Variants in KIF26A observed in about 807,000 individuals in gnomAD.
KIF26A encodes kinesin family member 26A.
KIF26A carries 74 observed loss-of-function variants against 126.0 expected under a neutral mutation model. The ratio of observed to expected loss-of-function variants is 0.59; its 90% CI spans 0.49 to 0.71. KIF26A has a LOEUF of 0.71. Ranked by LOEUF, KIF26A falls within the 30% of genes least tolerant of loss-of-function variation. KIF26A has a pLI of 0.00. For missense variants in KIF26A, 2,984 were observed against 2,763.3 expected, an observed-to-expected ratio of 1.08 and a Z score of -1.79; for synonymous variants, 1,445 against 1,232.7, an observed-to-expected ratio of 1.17 and a Z score of -3.61.
chr14:104,171,194 C>T (rs1641615179), intron 5 of KIF26A, among the ~76,000 whole-genome samples: 1 of 152,260 alleles, frequency 6.6e-6, no homozygotes, highest in Non-Finnish European at 1.5e-5. Context: ...TGCCAGGGTT[C>T]GGTTCCCTCA....
At position 104,176,561 on chromosome 14, in the gene KIF26A, G is replaced by T. The variant is rs200373476; in HGVS notation, c.3773G>T (p.Gly1258Val). ...TGTGATACCCAGGCAGCTTCTGCTGGCAGGGCCCCCAGCCCCACACTTGGC... is the reference window on the plus strand; with the variant it reads ...TGTGATACCCAGGCAGCTTCTGCTGTCAGGGCCCCCAGCCCCACACTTGGC... Reference protein sequence around the residue: ...GECDTQAASAGRAPSPTLGSP... With the variant: ...GECDTQAASAVRAPSPTLGSP... Residue 1258 changes from glycine to valine, a missense_variant, in exon 12 of 15, where the codon GGC becomes GTC. Physicochemically the swap from Gly to Val is moderately radical, Grantham distance 109. Transcript: ENST00000423312. The T allele has an allele frequency of 4.4e-6, 7 of 1,606,672 alleles. No individual in the cohort carries two copies. The Admixed American group carries it at 1.2e-4, about 27-fold the overall frequency.
intron 2 of KIF26A, among the ~76,000 whole-genome samples, chr14:104,140,732 A>G (rs906464400): frequency 6.6e-6 from 1 of 152,084 alleles, no homozygotes. Flanking sequence ...ACAGGTCTTC[A>G]GGGGAGCCCC....
chr14:104,142,812 C>T (rs2037648904), intron 2 of KIF26A, among the ~76,000 whole-genome samples: 1 of 152,236 alleles, frequency 6.6e-6, no homozygotes, highest in Admixed American at 6.5e-5. Flanking sequence ...GGGTCCGGGT[C>T]ACCTGGAGGT....
At position 104,176,630 on chromosome 14, in the gene KIF26A, A is replaced by G. The variant is rs1412493492; in HGVS notation, c.3842A>G (p.Gln1281Arg). Residue 1281 changes from glutamine to arginine, a missense_variant, in exon 12 of 15, where the codon CAG (glutamine) becomes CGG (arginine). Gln to Arg is a conservative substitution (Grantham distance 43, BLOSUM62 1). Coordinates refer to ENST00000423312, the MANE Select transcript of KIF26A (RefSeq NM_015656.2). ...PEAQVMLACA[Q>R]RVVDGCEVAA... ...GCCCAGGTGATGCTAGCCTGTGCCC[A>G]GAGAGTGGTGGACGGGTGTGAGGTG... 8.1e-6 allele frequency: 13 copies of G among 1,607,944 alleles called. No individual in the cohort carries two copies. The highest frequency in any genetic ancestry group is 1.1e-5 in the Non-Finnish European group (13 of 1,178,360).
rs2037741010 is a variant in KIF26A at position 104,152,592 on chromosome 14, G to A, written c.735+131G>A. The A allele has an allele frequency of 1.2e-6, 1 of 828,656 alleles. No individual in the cohort carries two copies. The highest frequency in any genetic ancestry group is 2.7e-5 in the East Asian group (1 of 36,452). The allele number at this position is 828,656 out of a possible 1,614,324, so 51.3% of individuals were successfully genotyped here. ...GAAGGGAGGGGACGGCGGGCATGGG[G>A]GTTCCTGACACTCCTGAGGCCCCAC... On this transcript the variant is annotated intron_variant, in intron 3 of 14. Coordinates refer to ENST00000423312, the MANE Select transcript of KIF26A (RefSeq NM_015656.2). The surrounding 1 kb of genome is among the most constrained non-coding windows in gnomAD (Gnocchi z 5.9).
At chr14:104,143,545 G>A (rs1306241649) in intron 2 of KIF26A, among the ~76,000 whole-genome samples, 2 of 152,220 alleles carry the variant, frequency 1.3e-5, no homozygotes, top group Non-Finnish European at 2.9e-5. Context: ...CCCCCTGGAT[G>A]GATGGGGGCA....
intron 11 of KIF26A, 66 bp from the exon 12 acceptor site, chr14:104,174,916 G>A: frequency 6.9e-7 from 1 of 1,440,134 alleles, no homozygotes; most frequent in Non-Finnish European, 9.2e-7. Context: ...GTGCTCTGGG[G>A]AGGGTCGGGG....
Position 104,151,892 on chromosome 14 carries a change from C to G in KIF26A, c.289-123C>G, listed in dbSNP as rs80097840. The G allele has an allele frequency of 1.3e-6, 1 of 763,076 alleles. No individual in the cohort carries two copies. Among genetic ancestry groups the G allele is most frequent in the South Asian group, 1.5e-5 (1 of 66,094 alleles). The allele number at this position is 763,076 out of a possible 1,614,324, so 47.3% of individuals were successfully genotyped here. A position where few individuals can be genotyped will look rare whatever the true frequency, so the allele number is the denominator to read the frequency against. Reference sequence around the variant, plus strand: ...AGTGTTTGGGCTTATTAATCTGTTACGGATGGTGCGGTGGCCAGGCGGGAG... The same window carrying G: ...AGTGTTTGGGCTTATTAATCTGTTAGGGATGGTGCGGTGGCCAGGCGGGAG... On this transcript the variant is annotated intron_variant, in intron 2 of 14. Coordinates refer to ENST00000423312, the MANE Select transcript of KIF26A (RefSeq NM_015656.2). This position sits in a 1 kb window ranked among gnomAD's most constrained non-coding sequence, Gnocchi z 4.9.
intron 3 of KIF26A, among the ~76,000 whole-genome samples, chr14:104,156,740 C>T (rs571712668): frequency 1.9e-4 from 29 of 152,296 alleles, no homozygotes; most frequent in East Asian, 7.7e-4. Context: ...GCTGACGTGC[C>T]GTGCCTGGCC....
rs1333733344 is a variant in KIF26A, at chr14:104,175,530, C to G, written c.2742C>G (p.Pro914=). The part of the protein sequence containing the change: ...GPDTHQGTPE[P]CKAIVWGDQR... ...ACACCCACCAGGGTACCCCTGAGCC[C>G]TGCAAGGCCATTGTCTGGGGTGACC... Residue 914 remains proline (P), a synonymous_variant, in exon 12 of 15, where the codon CCC becomes CCG. Transcript: ENST00000423312. 2 of 1,601,078 alleles carry G rather than the reference C, an allele frequency of 1.2e-6. No homozygotes were observed. The highest frequency in any genetic ancestry group is 1.3e-5 in the African/African-American group (1 of 74,922).
chr14:104,176,897 G>T lies in KIF26A; in HGVS notation c.4109G>T (p.Ser1370Ile). The T allele has an allele frequency of 1.3e-6, 2 of 1,538,762 alleles. No homozygotes were observed. Among genetic ancestry groups the T allele is most frequent in the Non-Finnish European group, 1.7e-6 (2 of 1,145,202 alleles). ...CCGGCCCCACCCACGCGGAAGTCCAGCCTGGAGCAGAGGAGCAGCCCGGCC... is the reference window on the plus strand; with the variant it reads ...CCGGCCCCACCCACGCGGAAGTCCATCCTGGAGCAGAGGAGCAGCCCGGCC... ...APPAPPTRKSSLEQRSSPASA... is the reference protein window; with the variant it reads ...APPAPPTRKSILEQRSSPASA... The change falls in exon 12 of 15, where the codon AGC becomes ATC. Residue 1370 changes from serine to isoleucine, a missense_variant. Physicochemically the swap from Ser to Ile is moderately radical, Grantham distance 142. Coordinates refer to ENST00000423312, the MANE Select transcript of KIF26A (RefSeq NM_015656.2).
rs368923508 is a variant in KIF26A, at chr14:104,178,580, C to T, written c.5141C>T (p.Pro1714Leu). ...GLQRRRLIPAPLPDTTALGRK... is the reference protein window; with the variant it reads ...GLQRRRLIPALLPDTTALGRK... Reference sequence around the variant, plus strand: ...CAGCGGCGGCGCCTGATTCCCGCCCCACTGCCCGACACCACTGCCCTGGGC... The same window carrying T: ...CAGCGGCGGCGCCTGATTCCCGCCCTACTGCCCGACACCACTGCCCTGGGC... The change falls in exon 13 of 15, where the codon CCA (proline) becomes CTA (leucine). Residue 1714 changes from proline to leucine, a missense_variant. Transcript: ENST00000423312. 206 of 1,502,998 alleles carry T rather than the reference C, an allele frequency of 1.4e-4. 2 individuals carry two copies. Among genetic ancestry groups the T allele is most frequent in the Middle Eastern group, 4.7e-4 (2 of 4,250 alleles). The allele number at this position is 1,502,998 out of a possible 1,614,324, so 93.1% of individuals were successfully genotyped here. A position where few individuals can be genotyped will look rare whatever the true frequency, so the allele number is the denominator to read the frequency against.
At chr14:104,140,470 C>A (rs747874300) in intron 2 of KIF26A, among the ~76,000 whole-genome samples, 8 of 152,290 alleles carry the variant, frequency 5.3e-5, no homozygotes, top group Non-Finnish European at 1.2e-4. Context: ...CATCTTGCTG[C>A]CCCATTAGGG....
intron 5 of KIF26A, among the ~76,000 whole-genome samples, 159 bp downstream of exon 5, chr14:104,167,207 G>GCAGGGAGC (rs914174857): frequency 6.6e-5 from 10 of 152,186 alleles, no homozygotes; most frequent in Non-Finnish European, 1.2e-4. Flanking sequence ...CCAGGTGGCA[G>GCAGGGAGC]CAGGGAGCCT....
rs369502934 is a variant in KIF26A at position 104,146,500 on chromosome 14, T to C, written c.289-5515T>C. Among the ~76,000 whole-genome samples, 16 of 151,994 alleles carry C rather than the reference T, an allele frequency of 1.1e-4. No individual in the cohort carries two copies. In the East Asian group the frequency reaches 2.3e-3, roughly 22 times the overall value. ...AGTGGTGGGAAGAGCATGGAGGGCT[T>C]GGGCCTGAGGAGCCGGGCAGCGGGT... On this transcript the variant is annotated intron_variant, in intron 2 of 14. Coordinates refer to ENST00000423312, the MANE Select transcript of KIF26A (RefSeq NM_015656.2).
Position 104,177,729 on chromosome 14 carries a change from C to T in KIF26A, c.4941C>T (p.Arg1647=). The change falls in exon 12 of 15, where the codon CGC becomes CGT. Residue 1647 remains arginine (R), a synonymous_variant. Transcript: ENST00000423312. ...LSGELPPAMG[R]TALFHHSGGS... ...GAGAGCTGCCGCCCGCCATGGGCCG[C>T]ACCGCCCTTTTCCACCACAGCGGTG... 2 of 1,540,382 alleles carry T rather than the reference C, an allele frequency of 1.3e-6. No individual in the cohort carries two copies. The highest frequency in any genetic ancestry group is 1.7e-6 in the Non-Finnish European group (2 of 1,149,580).
chr14:104,139,726 G>A (rs945410533), intron 2 of KIF26A, among the ~76,000 whole-genome samples: 1 of 152,208 alleles, frequency 6.6e-6, no homozygotes, highest in East Asian at 1.9e-4. Context: ...ACCTGGGGCC[G>A]GGGGGCCTGG....
At chr14:104,173,612 TGGGGTTGTCCCC>T (rs2037983818) in intron 9 of KIF26A, 82 bp from the exon 10 acceptor site, 1 of 1,531,432 alleles carries the variant, frequency 6.5e-7, no homozygotes, top group Non-Finnish European at 8.8e-7. Flanking sequence ...GGGATGTCCC[TGGGGTTGTCCCC>T]AGCTTGGGCC....
chr14:104,144,859 G>A (rs73358270), intron 2 of KIF26A, among the ~76,000 whole-genome samples: 2,256 of 152,352 alleles, frequency 0.015, 65 homozygotes, highest in African/African-American at 0.051. Flanking sequence ...TGGACTGACC[G>A]TGCCTTGGTC....
Sources: gnomAD v4.1 joint callset for allele counts (sites outside exome capture counted in the v4.1 genomes callset) on GRCh38, gnomAD v4.1.1 for gene constraint, Gnocchi (gnomAD v3.1) non-coding constraint, MANE v1.5 for transcripts, NCBI Gene and HGNC (gene_info 2026-07-23, HGNC 2026-07-21) for gene names.